Variants in ZFR2 observed in about 807,000 individuals in gnomAD.
ZFR2 encodes zinc finger RNA-binding protein 2.
Under a neutral mutation model 105.7 loss-of-function variants are expected in ZFR2, and 104 were observed. The observed-to-expected ratio is 0.98, with a 90% CI of 0.84 to 1.16. The LOEUF (loss-of-function observed/expected upper bound fraction) is 1.16, where lower values mean the gene tolerates loss of function less well. Among genes scored for constraint, ZFR2 ranks in the 50% most tolerant of loss-of-function variants. The probability of loss-of-function intolerance (pLI) is 0.00; values close to 1 mark genes in which losing one functional copy is unlikely to be tolerated. For synonymous variants in ZFR2, 634 were observed against 597.7 expected, an observed-to-expected ratio of 1.06 and a Z score of -0.89; for missense variants, 1,425 against 1,355.5, an observed-to-expected ratio of 1.05 and a Z score of -0.80.
At chr19:3,826,490 C>T (rs780272293) in intron 6 of ZFR2, among the ~76,000 whole-genome samples, 2 of 151,658 alleles carry the variant, frequency 1.3e-5, no homozygotes, top group African/African-American at 2.4e-5. Flanking sequence ...GGCTGGAGTG[C>T]GGTGGCGAGA....
chr19:3,862,115 C>T (rs1377604942), intron 1 of ZFR2, among the ~76,000 whole-genome samples: 1 of 152,086 alleles, frequency 6.6e-6, no homozygotes, highest in African/African-American at 2.4e-5. Context: ...TTTTCCAGGG[C>T]CATTTGAAAA....
At chr19:3,832,627 TG>T (rs1429349841) in intron 3 of ZFR2, among the ~76,000 whole-genome samples, 2 of 141,756 alleles carry the variant, frequency 1.4e-5, no homozygotes, top group Non-Finnish European at 3.1e-5. Flanking sequence ...GCCTTTATTT[TG>T]TTTTTTTTTT....
intron 1 of ZFR2, among the ~76,000 whole-genome samples, chr19:3,844,003 AAGT>A (rs985453581): frequency 4.4e-4 from 20 of 45,620 alleles, no homozygotes; most frequent in Non-Finnish European, 7.2e-4. Context: ...CAGAGACAGA[AAGT>A]AGGATGTGGG....
At chr19:3,815,274 C>G (rs951204480) in intron 13 of ZFR2, among the ~76,000 whole-genome samples, 7 of 151,822 alleles carry the variant, frequency 4.6e-5, no homozygotes, top group African/African-American at 1.7e-4. Context: ...ATTTTTAGTA[C>G]AGATGGGGTT....
At chr19:3,857,242 C>T (rs2038315348) in intron 1 of ZFR2, among the ~76,000 whole-genome samples, 1 of 151,908 alleles carries the variant, frequency 6.6e-6, no homozygotes, top group African/African-American at 2.4e-5. Flanking sequence ...CGCACCCCAC[C>T]ACGCCCAGCG....
chr19:3,819,072 C>T lies in ZFR2; in HGVS notation c.1904G>A (p.Arg635His), dbSNP rs577427497. The change falls in exon 12 of 19, where the codon CGC becomes CAC. Residue 635 changes from arginine (R) to histidine (H), a missense_variant. Physicochemically the swap from Arg to His is conservative, Grantham distance 29. Coordinates refer to ENST00000262961, the MANE Select transcript of ZFR2 (RefSeq NM_015174.2). ...SDTLAEEDRG[R>H]REEEGDKRSS... ...GCGCTTGTCACCCTCTTCCTCTCGG[C>T]GGCCCCGGTCCTCCTCGGCCAGTGT... is the stretch of plus-strand genomic sequence containing the variant. 2.0e-5 allele frequency: 33 copies of T among 1,612,188 alleles called. No homozygotes were observed. The highest frequency in any genetic ancestry group is 1.3e-4 in the African/African-American group (10 of 74,908).
intron 15 of ZFR2, 114 bp from the exon 16 acceptor site, chr19:3,810,959 C>T (rs2037757196): frequency 1.1e-5 from 13 of 1,209,080 alleles, no homozygotes; most frequent in Admixed American, 4.8e-5. Flanking sequence ...GCCTGGCGGG[C>T]CTCGAAGGTG....
intron 1 of ZFR2, among the ~76,000 whole-genome samples, chr19:3,844,018 G>GGGGC (rs1568428974): frequency 8.4e-6 from 1 of 118,918 alleles, no homozygotes; most frequent in Non-Finnish European, 1.7e-5. Flanking sequence ...GGATGTGGGG[G>GGGGC]GGGGGGTGCC....
rs957518220 is a variant in ZFR2, at chr19:3,811,922, A to G, written c.2243-556T>C. Among the ~76,000 whole-genome samples, 3 of 151,474 alleles carry G rather than the reference A, an allele frequency of 2.0e-5. No homozygotes were observed. In the South Asian group the frequency reaches 6.3e-4, roughly 32 times the overall value. The stretch of plus-strand genomic sequence containing the variant: ...ACTGCAGGCGTGCACCACCACACCC[A>G]GCTAATATTTATTTATTTATTTATT... On this transcript the variant is annotated intron_variant, in intron 14 of 18. Coordinates refer to ENST00000262961, the MANE Select transcript of ZFR2 (RefSeq NM_015174.2).
chr19:3,856,110 G>A (rs1939433169), intron 1 of ZFR2, among the ~76,000 whole-genome samples: 1 of 152,220 alleles, frequency 6.6e-6, no homozygotes, highest in Non-Finnish European at 1.5e-5. Context: ...GCGCGTGCAG[G>A]GGCGTGCGCT....
chr19:3,810,259 T>G (rs2145132436), intron 16 of ZFR2, among the ~76,000 whole-genome samples: 1 of 152,258 alleles, frequency 6.6e-6, no homozygotes, highest in Middle Eastern at 3.4e-3. Flanking sequence ...GTGGGGAGCG[T>G]GGGCATGGGG....
chr19:3,815,821 G>A (rs556299550), intron 13 of ZFR2, among the ~76,000 whole-genome samples: 4 of 149,698 alleles, frequency 2.7e-5, no homozygotes, highest in South Asian at 2.1e-4. Context: ...GCGCGATCTC[G>A]GCTCACTGCA....
At position 3,825,452 on chromosome 19, in the gene ZFR2, C is replaced by T. The variant is rs1036981321; in HGVS notation, c.1036-45G>A. 1.1e-5 allele frequency: 17 copies of T among 1,521,576 alleles called. No homozygotes were observed. In the African/African-American group the frequency reaches 1.8e-4, roughly 16 times the overall value. 94.3% of individuals were successfully genotyped at this position (1,521,576 alleles called of 1,614,324 possible). On this transcript the variant is annotated intron_variant, in intron 6 of 18. Transcript: ENST00000262961. ...GCTCCCGCGTGAGGGCCGCTCCCAGCCTGATGGCCTTTTTCAAGAGGCAGG... is the reference window on the plus strand; with the variant it reads ...GCTCCCGCGTGAGGGCCGCTCCCAGTCTGATGGCCTTTTTCAAGAGGCAGG...
At chr19:3,835,968 A>T (rs1054287438) in intron 1 of ZFR2, among the ~76,000 whole-genome samples, 1 of 151,952 alleles carries the variant, frequency 6.6e-6, no homozygotes, top group Admixed American at 6.6e-5. Flanking sequence ...AAACAAAACA[A>T]AAAACAGTAC....
Position 3,820,262 on chromosome 19 carries a change from C to G in ZFR2, c.1660G>C (p.Val554Leu). ...RRLEEEPPQD[V>L]PPHAPPDWAQ... ...CAGTCGGGCGGCGCGTGGGGCGGCA[C>G]GTCCTGGGGTGGCTCCTCCTCCAGC... is the stretch of plus-strand genomic sequence containing the variant. The change falls in exon 11 of 19, where the codon GTG becomes CTG. Residue 554 changes from valine to leucine, a missense_variant. By Grantham distance (32) the Val-to-Leu change is conservative. Transcript: ENST00000262961. 1 of 1,547,042 alleles carries G rather than the reference C, an allele frequency of 6.5e-7. No individual in the cohort carries two copies. The highest frequency in any genetic ancestry group is 8.7e-7 in the Non-Finnish European group (1 of 1,146,198).
intron 1 of ZFR2, among the ~76,000 whole-genome samples, chr19:3,846,915 T>C (rs1424605994): frequency 1.3e-5 from 2 of 152,254 alleles, no homozygotes; most frequent in African/African-American, 4.8e-5. Flanking sequence ...AAACACTGTG[T>C]CTGTGGATCA....
chr19:3,817,976 A>G (rs1206458909), intron 12 of ZFR2, among the ~76,000 whole-genome samples: 3 of 152,336 alleles, frequency 2.0e-5, no homozygotes, highest in Admixed American at 2.0e-4. Flanking sequence ...CAATCCACAG[A>G]GACAGGGCGG....
At chr19:3,864,914 T>C (rs2038413052) in intron 1 of ZFR2, among the ~76,000 whole-genome samples, 1 of 151,924 alleles carries the variant, frequency 6.6e-6, no homozygotes. Context: ...CAGCTGGCTA[T>C]TTTTTTGTAT....
At chr19:3,825,501 G>A (rs1448419302) in intron 6 of ZFR2, 94 bp from the exon 7 acceptor site, 43 of 1,454,320 alleles carry the variant, frequency 3.0e-5, no homozygotes, top group African/African-American at 5.8e-5. Flanking sequence ...GGCGTGCAGC[G>A]CGAGTGTGGG....
Sources: allele counts gnomAD v4.1 joint callset (sites outside exome capture counted in the v4.1 genomes callset), GRCh38; gene constraint gnomAD v4.1.1; transcripts MANE v1.5; gene names NCBI Gene and HGNC (gene_info 2026-07-23, HGNC 2026-07-21).